Variants in GABRG3 observed in about 807,000 individuals in gnomAD.
GABRG3 encodes gamma-aminobutyric acid type A receptor subunit gamma3.
In GABRG3, 25 loss-of-function variants were observed where a neutral mutation model predicts 48.8. The ratio of observed to expected loss-of-function variants is 0.51; its 90% confidence interval spans 0.37 to 0.72. GABRG3 has a LOEUF of 0.72. Ranked by LOEUF, GABRG3 falls within the 30% of genes least tolerant of loss-of-function variation. GABRG3 has a pLI of 0.00. For missense variants in GABRG3, 394 were observed against 577.9 expected (o/e 0.68, Z 3.26); for synonymous variants, 227 against 217.6 (o/e 1.04, Z -0.38).
At chr15:26,997,373 G>A (rs1895361401) in intron 2 of GABRG3, among the ~76,000 whole-genome samples, 1 of 151,738 alleles carries the variant, frequency 6.6e-6, no homozygotes, top group African/African-American at 2.4e-5. Context: ...TTTTTCCTGT[G>A]TATGAATCGT....
intron 3 of GABRG3, among the ~76,000 whole-genome samples, chr15:27,090,902 T>G (rs538058324): frequency 1.6e-4 from 24 of 152,328 alleles, no homozygotes; most frequent in African/African-American, 5.5e-4. Flanking sequence ...GCTCTAACTG[T>G]GGGTGTGTTC....
chr15:27,181,145 C>T (rs1887917516), intron 3 of GABRG3, among the ~76,000 whole-genome samples: 2 of 152,156 alleles, frequency 1.3e-5, no homozygotes, highest in Non-Finnish European at 2.9e-5. Flanking sequence ...TGGGGAGGAG[C>T]AGTTTGTGGC....
chr15:27,532,574 T>G (rs754185680), intron 9 of GABRG3, 26 bp from the exon 10 acceptor site: 48 of 1,608,454 alleles, frequency 3.0e-5, no homozygotes, highest in East Asian at 2.7e-4. Flanking sequence ...TTACAATGGT[T>G]GTTGTGTCAT....
At chr15:27,325,145 A>G (rs1327698875) in intron 3 of GABRG3, among the ~76,000 whole-genome samples, 1 of 151,620 alleles carries the variant, frequency 6.6e-6, no homozygotes, top group Admixed American at 6.6e-5. Context: ...CCATTTTTGT[A>G]TCAGTCAGCA....
At chr15:27,404,028 T>C (rs1887559329) in intron 5 of GABRG3, among the ~76,000 whole-genome samples, 1 of 151,162 alleles carries the variant, frequency 6.6e-6, no homozygotes, top group African/African-American at 2.4e-5. Flanking sequence ...AAGACCAACC[T>C]GGCTAACATG....
intron 3 of GABRG3, among the ~76,000 whole-genome samples, chr15:27,099,883 C>A (rs1164823021): frequency 6.6e-6 from 1 of 152,030 alleles, no homozygotes; most frequent in Non-Finnish European, 1.5e-5. Flanking sequence ...GTTGAGAATA[C>A]TATAATAGAC....
chr15:27,223,053 A>G (rs1361100557), intron 3 of GABRG3, among the ~76,000 whole-genome samples: 1 of 152,232 alleles, frequency 6.6e-6, no homozygotes, highest in Non-Finnish European at 1.5e-5. Flanking sequence ...ATCCAAAGTC[A>G]TGATTCATTC....
intron 5 of GABRG3, chr15:27,428,146 C>G (rs1888346947): frequency 6.6e-6 from 1 of 152,642 alleles, no homozygotes; most frequent in Non-Finnish European, 1.5e-5. Flanking sequence ...GCATTGGCCT[C>G]CAAAAGCGCT....
At chr15:27,212,223 G>A (rs1301088355) in intron 3 of GABRG3, among the ~76,000 whole-genome samples, 1 of 152,214 alleles carries the variant, frequency 6.6e-6, no homozygotes, top group Admixed American at 6.5e-5. Context: ...TAGTGTCTGA[G>A]GGACAAACAG....
chr15:27,471,138 C>T (rs527891030), intron 5 of GABRG3, among the ~76,000 whole-genome samples: 95 of 152,052 alleles, frequency 6.2e-4, no homozygotes, highest in Middle Eastern at 3.4e-3. Context: ...TTTTAAAGAT[C>T]GTTTAGGGGG....
intron 3 of GABRG3, among the ~76,000 whole-genome samples, chr15:27,296,717 C>T (rs1169638865): frequency 6.6e-6 from 1 of 152,046 alleles, no homozygotes; most frequent in African/African-American, 2.4e-5. Context: ...TACTGCACTG[C>T]TATAAAAGTA....
intron 5 of GABRG3, among the ~76,000 whole-genome samples, chr15:27,404,172 G>C (rs983971087): frequency 6.6e-5 from 10 of 152,174 alleles, no homozygotes; most frequent in Non-Finnish European, 5.9e-5. Flanking sequence ...AGTGAGCCTA[G>C]ATGGTGCCAC....
chr15:27,092,357 C>T (rs374454123), intron 3 of GABRG3, among the ~76,000 whole-genome samples: 96 of 152,236 alleles, frequency 6.3e-4, no homozygotes, highest in Non-Finnish European at 1.1e-3. Flanking sequence ...TGAGGCAGGG[C>T]GTGTCTTTCA....
At chr15:27,056,731 G>A (rs1896555466) in intron 3 of GABRG3, among the ~76,000 whole-genome samples, 1 of 152,248 alleles carries the variant, frequency 6.6e-6, no homozygotes, top group South Asian at 2.1e-4. Context: ...CGTGAGGATG[G>A]GAGAGGTGGT....
chr15:27,224,863 C>A (rs1889563203), intron 3 of GABRG3, among the ~76,000 whole-genome samples: 1 of 152,136 alleles, frequency 6.6e-6, no homozygotes, highest in African/African-American at 2.4e-5. Flanking sequence ...CAAGGCTAAG[C>A]ATTTCATAGC....
rs993018775 is a variant in GABRG3, at chr15:27,457,247, C to T, written c.575-23403C>T. On this transcript the variant is annotated intron_variant, in intron 5 of 9. Transcript: ENST00000615808. The surrounding 1 kb of genome is among the most constrained non-coding windows in gnomAD (Gnocchi z 4.4). ...CGACAGATGTACAGTGCAGGGCCGG[C>T]GGGGTGGTGGAGAGAAAGGAGGCAT... 2.0e-5 allele frequency among the ~76,000 whole-genome samples: 3 copies of T among 152,070 alleles called. No homozygotes were observed. Among genetic ancestry groups the T allele is most frequent in the African/African-American group, 7.2e-5 (3 of 41,414 alleles).
At chr15:27,079,759 C>A (rs1241543451) in intron 3 of GABRG3, among the ~76,000 whole-genome samples, 1 of 152,196 alleles carries the variant, frequency 6.6e-6, no homozygotes, top group Non-Finnish European at 1.5e-5. Context: ...CAGTCTCCAA[C>A]ACTGTCCCAA....
intron 3 of GABRG3, among the ~76,000 whole-genome samples, chr15:27,066,141 C>G (rs1306365782): frequency 6.6e-6 from 1 of 152,210 alleles, no homozygotes; most frequent in Non-Finnish European, 1.5e-5. Context: ...CATTTATATT[C>G]AGGATATTTC....
chr15:27,278,989 G>C (rs928956703), intron 3 of GABRG3, among the ~76,000 whole-genome samples: 2 of 152,166 alleles, frequency 1.3e-5, no homozygotes, highest in African/African-American at 2.4e-5. Context: ...GTGCTGTTAC[G>C]TTCTGTTTCC....
Sources: gnomAD v4.1 joint callset for allele counts (sites outside exome capture counted in the v4.1 genomes callset) on GRCh38, gnomAD v4.1.1 for gene constraint, Gnocchi (gnomAD v3.1) non-coding constraint, MANE v1.5 for transcripts, NCBI Gene and HGNC (gene_info 2026-07-23, HGNC 2026-07-21) for gene names.